Variants in PPL observed in about 807,000 individuals in gnomAD.
PPL encodes the protein periplakin.
PPL carries 198 observed loss-of-function variants against 194.4 expected under a neutral mutation model. That is an observed-to-expected ratio of 1.02 (90% CI 0.91 to 1.15). The LOEUF (loss-of-function observed/expected upper bound fraction) is 1.15. Among genes scored for constraint, PPL ranks in the 50% most tolerant of loss-of-function variants. PPL has a pLI of 0.00. For synonymous variants in PPL, 1,220 were observed against 972.4 expected (o/e 1.25, Z -4.74); for missense variants, 2,885 against 2,294.8 (o/e 1.26, Z -5.25).
Position 4,901,058 on chromosome 16 carries a change from T to A in PPL, c.470A>T (p.Asp157Val). Reference protein sequence around the residue: ...DKLNNQSFGTDLPLVDHQVEE... With the variant: ...DKLNNQSFGTVLPLVDHQVEE... ...CACTTGGTGGTCCACCAGCGGCAGG[T>A]CAGTCCCAAAGCTCTGGTTGTTCAG... Residue 157 changes from aspartate (D) to valine (V), a missense_variant, in exon 5 of 22, where the codon GAC becomes GTC. Asp to Val is a radical substitution (Grantham distance 152). Transcript: ENST00000345988. 6.2e-7 allele frequency: 1 copy of A among 1,614,082 alleles called. No individual in the cohort carries two copies. Among genetic ancestry groups the A allele is most frequent in the Non-Finnish European group, 8.5e-7 (1 of 1,180,024 alleles).
rs112500518 is a variant in PPL at position 4,929,462 on chromosome 16, C to T, written c.62+7522G>A. On this transcript the variant is annotated intron_variant, in intron 1 of 21. Coordinates refer to ENST00000345988, the MANE Select transcript of PPL (RefSeq NM_002705.5). ...GCCAGCTCGCCTTCTCTACTCCACCCTTCACCTAAACTGGAAAACTCGTGA... is the reference window on the plus strand; with the variant it reads ...GCCAGCTCGCCTTCTCTACTCCACCTTTCACCTAAACTGGAAAACTCGTGA... Among the ~76,000 whole-genome samples the T allele has an allele frequency of 9.2e-5, 14 of 152,262 alleles. 2 individuals are homozygous for T. Among genetic ancestry groups the T allele is most frequent in the African/African-American group, 3.4e-4 (14 of 41,538 alleles).
At chr16:4,906,476 C>G (rs1049287622) in intron 2 of PPL, among the ~76,000 whole-genome samples, 1 of 152,150 alleles carries the variant, frequency 6.6e-6, no homozygotes. Context: ...CCACCCGCCT[C>G]GGCCTCCCAA....
chr16:4,888,174 C>T lies in PPL; in HGVS notation c.2442G>A (p.Leu814=), dbSNP rs2088249334. Residue 814 remains leucine (L), a synonymous_variant, in exon 20 of 22, where the codon TTG becomes TTA. Transcript: ENST00000345988. The part of the protein sequence containing the change: ...EAEKLRSLLD[L]ENGRRSHVSK... Reference sequence around the variant, plus strand: ...TCACGTGGCTTCTCCTTCCATTCTCCAAGTCGAGAAGAGACCTTAGTTTTT... The same window carrying T: ...TCACGTGGCTTCTCCTTCCATTCTCTAAGTCGAGAAGAGACCTTAGTTTTT... 3 of 1,613,724 alleles carry T rather than the reference C, an allele frequency of 1.9e-6. No individual in the cohort carries two copies. Among genetic ancestry groups the T allele is most frequent in the Non-Finnish European group, 2.5e-6 (3 of 1,179,724 alleles).
Position 4,890,740 on chromosome 16 carries a change from TGCTGGCGCAGGTTGTTGAAAC to T in PPL, c.2129_2149del (p.Arg710_Gln716del), listed in dbSNP as rs1472392999. The T allele has an allele frequency of 6.2e-7, 1 of 1,606,908 alleles. No homozygotes were observed. ...ACCGCACCCTCACCTGCGTTCCACC[TGCTGGCGCAGGTTGTTGAAAC>T]GCTGGCCCAGCTTGTGCACCTCGGC... On this transcript the variant is annotated inframe_deletion, in exon 17 of 22. Transcript: ENST00000345988.
chr16:4,936,394 A>T (rs1333799708), intron 1 of PPL, among the ~76,000 whole-genome samples: 1 of 152,076 alleles, frequency 6.6e-6, no homozygotes, highest in East Asian at 1.9e-4. Flanking sequence ...GCAGGGTGGC[A>T]GGTGCCGGGA....
intron 16 of PPL, among the ~76,000 whole-genome samples, chr16:4,891,160 G>A (rs2088313310): frequency 6.6e-6 from 1 of 152,240 alleles, no homozygotes; most frequent in Non-Finnish European, 1.5e-5. Context: ...CAGGCAGCTC[G>A]TGCCCTGCGC....
chr16:4,894,568 C>T lies in PPL; in HGVS notation c.1293G>A (p.Glu431=). The change falls in exon 12 of 22, where the codon GAG becomes GAA. Residue 431 remains glutamate, a synonymous_variant. Transcript: ENST00000345988. ...CAGCGCTGTCCATGAGCTCCCAGCTCTCCCCGTTGTTCTTCTGCAGGGTGT... is the reference window on the plus strand; with the variant it reads ...CAGCGCTGTCCATGAGCTCCCAGCTTTCCCCGTTGTTCTTCTGCAGGGTGT... ...YSYTLQKNNG[E]SWELMDSAGN... is the part of the protein sequence containing the mutation. 3 of 1,613,956 alleles carry T rather than the reference C, an allele frequency of 1.9e-6. No individual in the cohort carries two copies. Among genetic ancestry groups the T allele is most frequent in the South Asian group, 2.2e-5 (2 of 91,076 alleles).
At chr16:4,921,700 C>T (rs1436544621) in intron 1 of PPL, among the ~76,000 whole-genome samples, 4 of 152,154 alleles carry the variant, frequency 2.6e-5, no homozygotes, top group Non-Finnish European at 5.9e-5. Context: ...CTCCTGGCCT[C>T]AAGTGATCTG....
chr16:4,897,515 C>T (rs1361157582), intron 9 of PPL, among the ~76,000 whole-genome samples, 160 bp downstream of exon 9: 2 of 152,068 alleles, frequency 1.3e-5, no homozygotes, highest in Non-Finnish European at 2.9e-5. Flanking sequence ...GACATGTCTG[C>T]ACACGCCATC....
At chr16:4,896,008 T>C (rs2088420595) in intron 9 of PPL, among the ~76,000 whole-genome samples, 1 of 152,240 alleles carries the variant, frequency 6.6e-6, no homozygotes, top group Non-Finnish European at 1.5e-5. Flanking sequence ...TGAGGTGTCT[T>C]TGATTCAGTT....
In PPL at chr16:4,883,181, T is replaced by G. The variant is rs2142316855; in HGVS notation, c.*203A>C. 1.6e-6 allele frequency: 1 copy of G among 629,642 alleles called. No individual in the cohort carries two copies. The highest frequency in any genetic ancestry group is 3.0e-5 in the Admixed American group (1 of 33,054). 39.0% of individuals were successfully genotyped at this position (629,642 alleles called of 1,614,324 possible). On this transcript the variant is annotated 3_prime_UTR_variant, in exon 22 of 22. Transcript: ENST00000345988. This position sits in a 1 kb window ranked among gnomAD's most constrained non-coding sequence, Gnocchi z 4.8. Reference sequence around the variant, plus strand: ...GGAGGATGAAGTACGTCACTCAGGGTGAATGATGGTTGGGACGAGAGTTGC... The same window carrying G: ...GGAGGATGAAGTACGTCACTCAGGGGGAATGATGGTTGGGACGAGAGTTGC...
At chr16:4,911,757 C>T (rs925296981) in intron 1 of PPL, among the ~76,000 whole-genome samples, 1 of 151,712 alleles carries the variant, frequency 6.6e-6, no homozygotes, top group Non-Finnish European at 1.5e-5. Context: ...AGGCTGGTCT[C>T]GAACTCCTGA....
chr16:4,895,828 G>C (rs1417389191), intron 9 of PPL, 112 bp from the exon 10 acceptor site: 13 of 1,456,366 alleles, frequency 8.9e-6, no homozygotes, highest in Non-Finnish European at 1.2e-5. Flanking sequence ...GGTTCACCTG[G>C]AGTCCAGCAT....
In PPL at chr16:4,884,286, G is replaced by A. The variant is rs759084591; in HGVS notation, c.4369C>T (p.Arg1457Ter). Residue 1457 changes from arginine to a stop codon, truncating the protein, a stop_gained, in exon 22 of 22, where the codon CGA becomes TGA. Coordinates refer to ENST00000345988, the MANE Select transcript of PPL (RefSeq NM_002705.5). LOFTEE classifies it high-confidence loss of function. This position sits in a 1 kb window ranked among gnomAD's most constrained non-coding sequence, Gnocchi z 5.7. ...VVLQQDPQQA[R>*]EHALLRLQLE... ...TGGAGTCGGAGCAGGGCATGCTCTCGCGCCTGCTGCGGGTCCTGCTGCAGC... is the reference window on the plus strand; with the variant it reads ...TGGAGTCGGAGCAGGGCATGCTCTCACGCCTGCTGCGGGTCCTGCTGCAGC... The A allele has an allele frequency of 3.7e-6, 6 of 1,612,688 alleles. No individual in the cohort carries two copies. The highest frequency in any genetic ancestry group is 2.2e-5 in the East Asian group (1 of 44,854).
Position 4,899,274 on chromosome 16 carries a change from G to A in PPL, c.717C>T (p.Tyr239=), listed in dbSNP as rs140083031. The change falls in exon 7 of 22, where the codon TAC becomes TAT. Residue 239 remains tyrosine (Y), a synonymous_variant. Transcript: ENST00000345988. ...LDQQAKGRMQ[Y]DWSDRNLDYP... ...AGTCGAGGTTGCGGTCACTCCAGTC[G>A]TACTGCATGCGGCCCTTGGCCTGCT... The A allele has an allele frequency of 8.6e-5, 138 of 1,613,804 alleles. 1 individual carries two copies. The highest frequency in any genetic ancestry group is 8.5e-4 in the African/African-American group (64 of 75,038).
At chr16:4,890,578 A>C in intron 17 of PPL, 150 bp downstream of exon 17, 1 of 1,104,884 alleles carries the variant, frequency 9.1e-7, no homozygotes, top group Non-Finnish European at 1.3e-6. Flanking sequence ...GCATGACTCA[A>C]AAGAGAGACC....
intron 1 of PPL, among the ~76,000 whole-genome samples, chr16:4,933,758 G>A (rs1452070459): frequency 6.6e-6 from 1 of 152,166 alleles, no homozygotes; most frequent in African/African-American, 2.4e-5. Flanking sequence ...AGTGCAGGGA[G>A]GTTGTCCACG....
intron 1 of PPL, 127 bp downstream of exon 1, chr16:4,936,857 C>T (rs2089306477): frequency 3.1e-6 from 3 of 962,434 alleles, no homozygotes. Context: ...GTCCCGCACT[C>T]CGGGTTCAGT....
At chr16:4,924,476 T>C (rs1029761276) in intron 1 of PPL, among the ~76,000 whole-genome samples, 4 of 152,184 alleles carry the variant, frequency 2.6e-5, no homozygotes, top group African/African-American at 9.7e-5. Flanking sequence ...GGAAAGCTGA[T>C]GGGCGCTCAG....
Sources: gnomAD v4.1 joint callset for allele counts (sites outside exome capture counted in the v4.1 genomes callset) on GRCh38, gnomAD v4.1.1 for gene constraint, Gnocchi (gnomAD v3.1) non-coding constraint, MANE v1.5 for transcripts, NCBI Gene and HGNC (gene_info 2026-07-23, HGNC 2026-07-21) for gene names.